Variants in B3GALT1 observed in about 807,000 individuals in gnomAD.
B3GALT1 encodes beta-1,3-galactosyltransferase 1.
B3GALT1 carries 10 observed loss-of-function variants against 23.2 expected under a neutral mutation model. That is an observed-to-expected ratio of 0.43 (90% CI 0.27 to 0.73). The LOEUF is 0.73. B3GALT1 is among the 30% of genes least tolerant of loss of function. B3GALT1 has a pLI of 0.21. For synonymous variants in B3GALT1, 156 were observed against 141.5 expected (o/e 1.10, Z -0.73); for missense variants, 299 against 405.4 (o/e 0.74, Z 2.25).
At chr2:167,548,693 T>TGTGTGTGTGTGTGAGA (rs1447249520) in intron 2 of B3GALT1, among the ~76,000 whole-genome samples, 1 of 150,862 alleles carries the variant, frequency 6.6e-6, no homozygotes, top group African/African-American at 2.4e-5. Flanking sequence ...TGAGTGTGTG[T>TGTGTGTGTGTGTGAGA]GTGTGTGTGT....
intron 1 of B3GALT1, among the ~76,000 whole-genome samples, chr2:167,321,078 G>A (rs183643003): frequency 2.0e-5 from 3 of 152,140 alleles, no homozygotes; most frequent in Non-Finnish European, 2.9e-5. Flanking sequence ...AATCTAAAAT[G>A]TAAGAGTAAA....
chr2:167,531,331 A>G (rs1027340258), intron 2 of B3GALT1, among the ~76,000 whole-genome samples: 1 of 152,154 alleles, frequency 6.6e-6, no homozygotes, highest in Non-Finnish European at 1.5e-5. Context: ...AGCAGAAAGG[A>G]TACTGTCAGG....
At chr2:167,806,455 G>A (rs893129175) in intron 3 of B3GALT1, among the ~76,000 whole-genome samples, 1 of 150,746 alleles carries the variant, frequency 6.6e-6, no homozygotes, top group Non-Finnish European at 1.5e-5. Flanking sequence ...GTATGATATT[G>A]GTCATAGATA....
chr2:167,453,964 G>T (rs760915781), intron 1 of B3GALT1, among the ~76,000 whole-genome samples: 3 of 152,132 alleles, frequency 2.0e-5, no homozygotes, highest in Non-Finnish European at 4.4e-5. Flanking sequence ...ACAAATTATA[G>T]ATTTTTTAGA....
chr2:167,619,512 C>T (rs1461872164), intron 2 of B3GALT1, among the ~76,000 whole-genome samples: 1 of 151,968 alleles, frequency 6.6e-6, no homozygotes, highest in Non-Finnish European at 1.5e-5. Flanking sequence ...ACTTCTGTAT[C>T]TGAATGTATT....
chr2:167,750,920 T>C (rs1687725240), intron 3 of B3GALT1, among the ~76,000 whole-genome samples: 1 of 151,974 alleles, frequency 6.6e-6, no homozygotes, highest in Admixed American at 6.6e-5. Flanking sequence ...GATGAAGTAA[T>C]GGGTGAATGT....
rs74388491 is a variant in B3GALT1, at chr2:167,553,814, C to G, written c.-410+63537C>G. On this transcript the variant is annotated intron_variant, in intron 2 of 4. Coordinates refer to ENST00000392690, the MANE Select transcript of B3GALT1 (RefSeq NM_020981.4). ...ATCATCAAGGCATTTTTCCTAAACA[C>G]TTAAGCTGATGCAATTTTCAGAAAT... Among the ~76,000 whole-genome samples, 503 of 152,278 alleles carry G rather than the reference C, an allele frequency of 3.3e-3. 6 individuals carry two copies. The highest frequency in any genetic ancestry group is 0.012 in the African/African-American group (487 of 41,554).
chr2:167,640,942 A>G (rs541267428), intron 2 of B3GALT1, among the ~76,000 whole-genome samples: 341 of 152,282 alleles, frequency 2.2e-3, no homozygotes, highest in Non-Finnish European at 3.8e-3. Flanking sequence ...TGAGCTCAAC[A>G]ATGGTCTGAA....
intron 2 of B3GALT1, among the ~76,000 whole-genome samples, chr2:167,562,903 C>T (rs1015840379): frequency 1.4e-4 from 22 of 151,948 alleles, no homozygotes; most frequent in East Asian, 7.8e-4. Flanking sequence ...CATCTTGCAC[C>T]GCCCTTAATC....
At chr2:167,631,646 T>A (rs1486404234) in intron 2 of B3GALT1, 1 of 151,576 alleles carries the variant, frequency 6.6e-6, no homozygotes, top group Non-Finnish European at 1.5e-5. Flanking sequence ...AATTTTAAAA[T>A]TTTTTATTGG....
chr2:167,618,387 A>G (rs1015863021), intron 2 of B3GALT1, among the ~76,000 whole-genome samples: 2 of 152,056 alleles, frequency 1.3e-5, no homozygotes, highest in Non-Finnish European at 1.5e-5. Flanking sequence ...CATGTTTGCT[A>G]TATTAGATAT....
At chr2:167,751,210 T>A (rs1196151212) in intron 3 of B3GALT1, among the ~76,000 whole-genome samples, 1 of 152,196 alleles carries the variant, frequency 6.6e-6, no homozygotes, top group Admixed American at 6.5e-5. Flanking sequence ...AAAGAAATAG[T>A]GACAATACAA....
At chr2:167,599,644 T>C (rs1464653550) in intron 2 of B3GALT1, among the ~76,000 whole-genome samples, 75 of 152,384 alleles carry the variant, frequency 4.9e-4, no homozygotes, top group Non-Finnish European at 1.5e-5. Flanking sequence ...CCAAACTATG[T>C]GTCAGTTTGT....
At chr2:167,684,541 A>T (rs1686584981) in intron 3 of B3GALT1, among the ~76,000 whole-genome samples, 1 of 152,188 alleles carries the variant, frequency 6.6e-6, no homozygotes, top group Non-Finnish European at 1.5e-5. Flanking sequence ...CAGCCCAGAG[A>T]TTCCATGAGT....
chr2:167,413,138 G>C (rs545262818), intron 1 of B3GALT1, among the ~76,000 whole-genome samples: 6 of 152,152 alleles, frequency 3.9e-5, no homozygotes, highest in African/African-American at 1.4e-4. Flanking sequence ...TTAATTGGGT[G>C]TACAATGATT....
At chr2:167,326,264 C>A (rs1028820533) in intron 1 of B3GALT1, among the ~76,000 whole-genome samples, 1 of 92,156 alleles carries the variant, frequency 1.1e-5, no homozygotes, top group South Asian at 4.3e-4. Context: ...ATGTCTTTTG[C>A]CCACTTCTTA....
rs1455358548 is a variant in B3GALT1, at chr2:167,805,991, T to C, written c.-351-12681T>C. 2.6e-5 allele frequency among the ~76,000 whole-genome samples: 4 copies of C among 152,070 alleles called. No homozygotes were observed. In the East Asian group the frequency reaches 7.7e-4, roughly 29 times the overall value. On this transcript the variant is annotated intron_variant, in intron 3 of 4. Transcript: ENST00000392690. ...AATGTTCTTCCATTTGTTTGTATCC[T>C]CTTTTATTTCCTCGAGCAGTGGTTT...
chr2:167,747,198 C>T (rs774835570), intron 3 of B3GALT1, among the ~76,000 whole-genome samples: 10 of 152,202 alleles, frequency 6.6e-5, no homozygotes, highest in South Asian at 2.1e-4. Context: ...GGAGAGTCTC[C>T]GGTACTCTTA....
At chr2:167,468,328 T>C (rs1418184903) in intron 1 of B3GALT1, among the ~76,000 whole-genome samples, 4 of 152,146 alleles carry the variant, frequency 2.6e-5, no homozygotes, top group African/African-American at 9.7e-5. Flanking sequence ...ATACTCTTTC[T>C]CGTAACATAA....
Sources: allele counts gnomAD v4.1 joint callset (sites outside exome capture counted in the v4.1 genomes callset), GRCh38; gene constraint gnomAD v4.1.1; transcripts MANE v1.5; gene names NCBI Gene and HGNC (gene_info 2026-07-23, HGNC 2026-07-21).